Variants in KIFC3 observed in about 807,000 individuals in gnomAD.
KIFC3 encodes the protein kinesin family member C3.
KIFC3 carries 60 observed loss-of-function variants against 101.8 expected under a neutral mutation model. The observed-to-expected ratio is 0.59, with a 90% CI of 0.48 to 0.73. The LOEUF is 0.73. Ranked by LOEUF, KIFC3 falls within the 30% of genes least tolerant of loss-of-function variation. The pLI, the probability that KIFC3 is intolerant of heterozygous loss-of-function variation, is 0.00. For missense variants in KIFC3, 966 were observed against 1,137.1 expected, an observed-to-expected ratio of 0.85 and a Z score of 2.16; for synonymous variants, 476 against 482.7, an observed-to-expected ratio of 0.99 and a Z score of 0.18.
intron 1 of KIFC3, among the ~76,000 whole-genome samples, chr16:57,822,926 T>A (rs757177127): frequency 5.4e-5 from 8 of 148,682 alleles, no homozygotes; most frequent in African/African-American, 2.0e-4. Flanking sequence ...CATTGTATAT[T>A]GGTTATGTAA....
At chr16:57,761,590 G>T in intron 13 of KIFC3, 54 bp from the exon 14 acceptor site, 1 of 1,587,846 alleles carries the variant, frequency 6.3e-7, no homozygotes, top group Non-Finnish European at 8.6e-7. Context: ...GCTGCTGTTT[G>T]CACTGCACCC....
chr16:57,862,192 G>GTTT (rs1376763581), intron 1 of KIFC3, among the ~76,000 whole-genome samples: 1 of 99,286 alleles, frequency 1.0e-5, no homozygotes, highest in African/African-American at 3.7e-5. Context: ...ACTACATCTG[G>GTTT]CTTTTTTTTT....
At chr16:57,780,060 C>A (rs1362814892) in intron 3 of KIFC3, 1 of 152,182 alleles carries the variant, frequency 6.6e-6, no homozygotes, top group Non-Finnish European at 1.5e-5. Flanking sequence ...GAGGAAACCA[C>A]CCCATGATCC....
At position 57,771,592 on chromosome 16, in the gene KIFC3, T is replaced by G. The variant is rs1555608462; in HGVS notation, c.476A>C (p.Glu159Ala). ...EMRRCEAELQELRTKPAGPCP... is the reference protein window; with the variant it reads ...EMRRCEAELQALRTKPAGPCP... ...GGGACCTGCTGGCTTTGTGCGCAGC[T>G]CTTGCAGCTCGGCCTCACAGCGCCG... is the stretch of plus-strand genomic sequence containing the variant. The change falls in exon 5 of 20, where the codon GAG becomes GCG. Residue 159 changes from glutamate (E) to alanine (A), a missense_variant. Physicochemically the swap from Glu to Ala is moderately radical, Grantham distance 107. Coordinates refer to ENST00000445690, the MANE Select transcript of KIFC3 (RefSeq NM_001130100.2). 1 of 1,613,520 alleles carries G rather than the reference T, an allele frequency of 6.2e-7. No individual in the cohort carries two copies. Among genetic ancestry groups the G allele is most frequent in the Non-Finnish European group, 8.5e-7 (1 of 1,180,022 alleles).
chr16:57,775,869 C>T, intron 3 of KIFC3: 1 of 985,522 alleles, frequency 1.0e-6, no homozygotes, highest in Non-Finnish European at 1.2e-6. Context: ...GTGCGACACT[C>T]CTCCCGGGCC....
intron 3 of KIFC3, among the ~76,000 whole-genome samples, chr16:57,778,115 C>T (rs1255255414): frequency 6.6e-5 from 10 of 152,094 alleles, no homozygotes; most frequent in African/African-American, 2.4e-4. Context: ...CCTGTCTCTA[C>T]AACAAGTAAC....
intron 1 of KIFC3, among the ~76,000 whole-genome samples, chr16:57,855,982 C>G (rs1464298833): frequency 6.8e-6 from 1 of 147,996 alleles, no homozygotes; most frequent in Non-Finnish European, 1.5e-5. Flanking sequence ...AACAAACTAA[C>G]AATAACAACA....
intron 1 of KIFC3, among the ~76,000 whole-genome samples, chr16:57,834,413 T>G (rs1320581057): frequency 6.6e-6 from 1 of 152,244 alleles, no homozygotes; most frequent in Non-Finnish European, 1.5e-5. Flanking sequence ...ATACAATTCA[T>G]TAATTATTCA....
At chr16:57,794,406 T>G (rs909446506) in intron 3 of KIFC3, among the ~76,000 whole-genome samples, 2 of 151,630 alleles carry the variant, frequency 1.3e-5, no homozygotes, top group Admixed American at 1.3e-4. Context: ...TTTTTCTTTT[T>G]GTAGAGATAG....
At chr16:57,835,005 G>GA (rs1432393203) in intron 1 of KIFC3, among the ~76,000 whole-genome samples, 1 of 151,924 alleles carries the variant, frequency 6.6e-6, no homozygotes, top group African/African-American at 2.4e-5. Flanking sequence ...AATTCAGGAG[G>GA]AAAAAAAATG....
intron 2 of KIFC3, among the ~76,000 whole-genome samples, chr16:57,795,627 C>G (rs2054228103): frequency 6.6e-6 from 1 of 152,222 alleles, no homozygotes; most frequent in Non-Finnish European, 1.5e-5. Flanking sequence ...GTATTCAGAA[C>G]CAGCTAACGT....
At chr16:57,811,848 G>C (rs2055082945) in intron 1 of KIFC3, among the ~76,000 whole-genome samples, 1 of 150,356 alleles carries the variant, frequency 6.7e-6, no homozygotes, top group African/African-American at 2.5e-5. Flanking sequence ...CTGGGAGGCA[G>C]AGGTTGCAGT....
intron 1 of KIFC3, among the ~76,000 whole-genome samples, chr16:57,849,454 T>G (rs2056002465): frequency 1.3e-5 from 2 of 152,230 alleles, no homozygotes; most frequent in African/African-American, 4.8e-5. Flanking sequence ...TTTAAAACCC[T>G]TATTAAGTGC....
intron 1 of KIFC3, among the ~76,000 whole-genome samples, chr16:57,813,017 G>A (rs1555628062): frequency 6.6e-6 from 1 of 152,134 alleles, no homozygotes; most frequent in African/African-American, 2.4e-5. Flanking sequence ...GTACTGTTTA[G>A]GCAACTTGCT....
In KIFC3 at chr16:57,798,159, C is replaced by T. The variant is rs553342543; in HGVS notation, c.85G>A (p.Glu29Lys). The T allele has an allele frequency of 2.9e-5, 44 of 1,542,612 alleles. No individual in the cohort carries two copies. The highest frequency in any genetic ancestry group is 2.1e-4 in the African/African-American group (15 of 72,942). ...GGGGCGGGGCGAGCCATCCCCGGCT[C>T]GGGCTCCGGGGCCCGGCCCACTCTC... ...LWRVGRAPEPEPGMARPAPAP... is the reference protein window; with the variant it reads ...LWRVGRAPEPKPGMARPAPAP... The change falls in exon 2 of 20, where the codon GAG becomes AAG. Residue 29 changes from glutamate to lysine, a missense_variant. Around this residue, in one of 2 missense-constraint regions of KIFC3, gnomAD observed 277 missense variants for 252.5 expected, o/e 1.10. Coordinates refer to ENST00000445690, the MANE Select transcript of KIFC3 (RefSeq NM_001130100.2).
At chr16:57,771,126 C>A (rs879967877) in intron 6 of KIFC3, 72 bp downstream of exon 6, 5 of 1,573,472 alleles carry the variant, frequency 3.2e-6, no homozygotes, top group African/African-American at 2.7e-5. Context: ...ACAAGCCCCC[C>A]TTATGGGCTA....
rs144874962 is a variant in KIFC3 at position 57,766,099 on chromosome 16, C to G, written c.1331-459G>C. 4.4e-3 allele frequency among the ~76,000 whole-genome samples: 664 copies of G among 152,306 alleles called. 9 individuals are homozygous for G. The highest frequency in any genetic ancestry group is 0.015 in the African/African-American group (639 of 41,566). On this transcript the variant is annotated intron_variant, in intron 10 of 19. Transcript: ENST00000445690. ...CAGCAGGTGATGACTGGTGGTGTAT[C>G]TGAGGGCCCAGATAGTGGGGCAGCC...
intron 1 of KIFC3, among the ~76,000 whole-genome samples, chr16:57,862,304 G>A (rs1033110531): frequency 6.6e-6 from 1 of 151,244 alleles, no homozygotes; most frequent in Non-Finnish European, 1.5e-5. Context: ...GATTATAGGT[G>A]TGAGCCACCT....
chr16:57,809,164 A>T (rs1268482892), intron 1 of KIFC3, among the ~76,000 whole-genome samples: 1 of 152,116 alleles, frequency 6.6e-6, no homozygotes, highest in East Asian at 1.9e-4. Context: ...TTTCCATGTC[A>T]CTTTTTCCTG....
Sources: gnomAD v4.1 joint callset for allele counts (sites outside exome capture counted in the v4.1 genomes callset) on GRCh38, gnomAD v4.1.1 for gene constraint, gnomAD v4.1.1 regional missense constraint, MANE v1.5 for transcripts, NCBI Gene and HGNC (gene_info 2026-07-23, HGNC 2026-07-21) for gene names.